The following CIB4 variants were observed in gnomAD, a reference collection of about 807,000 sequenced individuals.
CIB4 encodes calcium and integrin binding family member 4.
In CIB4, 25 loss-of-function variants were observed where a neutral mutation model predicts 25.8. That is an observed-to-expected ratio of 0.97 (90% CI 0.71 to 1.35). The LOEUF is 1.35. Among genes scored for constraint, CIB4 ranks in the 40% most tolerant of loss-of-function variants. CIB4 has a pLI of 0.00. For synonymous variants in CIB4, 75 were observed against 81.4 expected, an observed-to-expected ratio of 0.92 and a Z score of 0.42; for missense variants, 235 against 228.2, an observed-to-expected ratio of 1.03 and a Z score of -0.19.
At chr2:26,606,319 A>C (rs934913975) in intron 3 of CIB4, among the ~76,000 whole-genome samples, 11 of 152,336 alleles carry the variant, frequency 7.2e-5, no homozygotes, top group Middle Eastern at 6.8e-3. Context: ...GAGCTAGGAC[A>C]GGACAGTGAG....
In CIB4 at chr2:26,589,036, T is replaced by TTCC. The variant is rs1558554699; in HGVS notation, c.329-5139_329-5138insGGA. ...CTTCTTCTTCTTCTTCTTCTTCTTCTTCTTCTTCTTCTTCTTCTTCTTCCT... is the reference window on the plus strand; with the variant it reads ...CTTCTTCTTCTTCTTCTTCTTCTTCTTCCTCTTCTTCTTCTTCTTCTTCTTCCT... On this transcript the variant is annotated intron_variant, in intron 4 of 6. Transcript: ENST00000288861. Among the ~76,000 whole-genome samples the TTCC allele has an allele frequency of 5.8e-4, 25 of 43,048 alleles. 2 individuals carry two copies. The highest frequency in any genetic ancestry group is 2.1e-3 in the African/African-American group (21 of 10,102). The allele number at this position is 43,048 out of a possible 152,430, so 28.2% of individuals were successfully genotyped here.
chr2:26,623,468 C>T (rs1438037263), intron 3 of CIB4: 1 of 469,630 alleles, frequency 2.1e-6, no homozygotes, highest in Non-Finnish European at 4.4e-6. Context: ...TCGCTTTCAG[C>T]CTTGGGAGTG....
At chr2:26,612,457 G>A (rs1669013193) in intron 3 of CIB4, among the ~76,000 whole-genome samples, 1 of 152,198 alleles carries the variant, frequency 6.6e-6, no homozygotes, top group Non-Finnish European at 1.5e-5. Context: ...GAGCCTTGTT[G>A]GCCCCAGTGC....
rs147982718 is a variant in CIB4 at position 26,620,722 on chromosome 2, T to G, written c.186+8688A>C. Among the ~76,000 whole-genome samples the G allele has an allele frequency of 9.9e-4, 150 of 152,268 alleles. 1 individual carries two copies. Among genetic ancestry groups the G allele is most frequent in the African/African-American group, 3.5e-3 (147 of 41,548 alleles). On this transcript the variant is annotated intron_variant, in intron 3 of 6. Transcript: ENST00000288861. ...TAAAACAGCTTTTTAGCAACCACCC[T>G]TCAGTCATCATCATGAGCCCTTGAT... is the stretch of plus-strand genomic sequence containing the variant.
chr2:26,586,380 G>A (rs573211765), intron 4 of CIB4, among the ~76,000 whole-genome samples: 15 of 152,196 alleles, frequency 9.9e-5, no homozygotes, highest in African/African-American at 1.7e-4. Flanking sequence ...TTCAAGTGTC[G>A]GCTCCTCCTA....
chr2:26,629,502 G>T lies in CIB4; in HGVS notation c.94C>A (p.His32Asn). The change falls in exon 3 of 7, where the codon CAT (histidine) becomes AAT (asparagine). Residue 32 changes from histidine to asparagine, a missense_variant. Coordinates refer to ENST00000288861, the MANE Select transcript of CIB4 (RefSeq NM_001029881.3). ...FLTRNEILCIHDTFLKLCPPG... is the reference protein window; with the variant it reads ...FLTRNEILCINDTFLKLCPPG... The stretch of plus-strand genomic sequence containing the variant: ...GGGCAGAGCTTCAGGAAGGTGTCAT[G>T]GATGCTGAAAAGAGAGGCATGAAGA... The T allele has an allele frequency of 6.4e-7, 1 of 1,567,384 alleles. No individual in the cohort carries two copies. The highest frequency in any genetic ancestry group is 1.3e-5 in the African/African-American group (1 of 74,422).
chr2:26,640,323 C>T (rs557871333), intron 2 of CIB4, among the ~76,000 whole-genome samples: 1 of 152,260 alleles, frequency 6.6e-6, no homozygotes, highest in Non-Finnish European at 1.5e-5. Flanking sequence ...AGCCTAAAGC[C>T]TGGTGTCTCA....
At position 26,583,890 on chromosome 2, in the gene CIB4, C is replaced by T. The variant is rs1462221754; in HGVS notation, c.337G>A (p.Glu113Lys). 7.5e-6 allele frequency: 12 copies of T among 1,609,362 alleles called. No homozygotes were observed. Among genetic ancestry groups the T allele is most frequent in the Non-Finnish European group, 1.0e-5 (12 of 1,176,000 alleles). The change falls in exon 5 of 7, where the codon GAG (glutamate) becomes AAG (lysine). Residue 113 changes from glutamate (E) to lysine (K), a missense_variant. Transcript: ENST00000288861. ...TCCTCCTCATCAATGAAGCCATTCT[C>T]ATTAAAATCTGCAAAGAAGAGGCCA... The part of the protein sequence containing the change: ...EYAFRIYDFN[E>K]NGFIDEEDLQ...
intron 3 of CIB4, among the ~76,000 whole-genome samples, chr2:26,624,562 T>C (rs531487158): frequency 6.6e-6 from 1 of 152,160 alleles, no homozygotes; most frequent in South Asian, 2.1e-4. Flanking sequence ...CTTACATTTT[T>C]GTTTTAAAAT....
At chr2:26,602,602 T>C (rs556949342) in intron 3 of CIB4, among the ~76,000 whole-genome samples, 3 of 152,214 alleles carry the variant, frequency 2.0e-5, no homozygotes, top group Non-Finnish European at 4.4e-5. Context: ...TATTGATGTG[T>C]AGTATACATG....
At chr2:26,638,067 AG>A (rs1236507648) in intron 2 of CIB4, among the ~76,000 whole-genome samples, 29 of 152,162 alleles carry the variant, frequency 1.9e-4, no homozygotes, top group African/African-American at 6.5e-4. Flanking sequence ...GGAGCTACCC[AG>A]GGGCAGGCAC....
chr2:26,638,561 C>T (rs1669576478), intron 2 of CIB4, among the ~76,000 whole-genome samples: 1 of 152,170 alleles, frequency 6.6e-6, no homozygotes, highest in Non-Finnish European at 1.5e-5. Flanking sequence ...TTTGAAGCCC[C>T]TGGGTTAGAA....
At chr2:26,588,081 T>C (rs1488258756) in intron 4 of CIB4, among the ~76,000 whole-genome samples, 1 of 152,118 alleles carries the variant, frequency 6.6e-6, no homozygotes, top group Non-Finnish European at 1.5e-5. Context: ...ACCACCTCCA[T>C]GGGAAATGGC....
chr2:26,597,511 C>T (rs1468422844), intron 3 of CIB4, among the ~76,000 whole-genome samples: 1 of 151,554 alleles, frequency 6.6e-6, no homozygotes, highest in Non-Finnish European at 1.5e-5. Context: ...AATAATGAAG[C>T]ATATCCAACC....
intron 4 of CIB4, among the ~76,000 whole-genome samples, chr2:26,589,102 T>TCC (rs1668530286): frequency 1.4e-5 from 1 of 70,750 alleles, no homozygotes; most frequent in African/African-American, 5.9e-5. Context: ...CTTCTTCTTC[T>TCC]TCTTCCTCTT....
chr2:26,603,483 G>T (rs887649835), intron 3 of CIB4, among the ~76,000 whole-genome samples: 2 of 152,268 alleles, frequency 1.3e-5, no homozygotes, highest in East Asian at 3.9e-4. Flanking sequence ...AATACAGGGT[G>T]AAAGGTACAC....
At chr2:26,631,821 C>T (rs1290229147) in intron 2 of CIB4, among the ~76,000 whole-genome samples, 1 of 152,132 alleles carries the variant, frequency 6.6e-6, no homozygotes, top group Non-Finnish European at 1.5e-5. Flanking sequence ...GATTTATCCT[C>T]CTCTCCCTCC....
chr2:26,589,036 T>TTCTTCTTCCTCCTCTTCC (rs1668517150), intron 4 of CIB4, among the ~76,000 whole-genome samples: 1 of 43,006 alleles, frequency 2.3e-5, no homozygotes, highest in African/African-American at 9.9e-5. Flanking sequence ...CTTCTTCTTC[T>TTCTTCTTCCTCCTCTTCC]TCTTCTTCTT....
At chr2:26,598,737 C>T (rs1369004898) in intron 3 of CIB4, among the ~76,000 whole-genome samples, 2 of 152,172 alleles carry the variant, frequency 1.3e-5, no homozygotes, top group African/African-American at 4.8e-5. Flanking sequence ...CCCAGGGTCC[C>T]TGTCTCAAGG....
Sources: gnomAD v4.1 joint callset for allele counts (sites outside exome capture counted in the v4.1 genomes callset) on GRCh38, gnomAD v4.1.1 for gene constraint, MANE v1.5 for transcripts, NCBI Gene and HGNC (gene_info 2026-07-23, HGNC 2026-07-21) for gene names.